Variants in CDH13 observed in about 807,000 individuals in gnomAD.
CDH13 encodes cadherin 13, also known as cadherin-13.
A neutral mutation model predicts 63.8 loss-of-function variants in CDH13; 24 were observed. The ratio of observed to expected loss-of-function variants is 0.38; its 90% CI spans 0.27 to 0.53. The LOEUF (loss-of-function observed/expected upper bound fraction) is 0.53, where lower values mean the gene tolerates loss of function less well. Among genes scored for constraint, CDH13 ranks in the 20% least tolerant of loss-of-function variants. The probability of loss-of-function intolerance (pLI) is 0.85; values close to 1 mark genes in which losing one functional copy is unlikely to be tolerated. For synonymous variants in CDH13, 503 were observed against 355.3 expected, an observed-to-expected ratio of 1.42 and a Z score of -4.67; for missense variants, 1,049 against 903.1, an observed-to-expected ratio of 1.16 and a Z score of -2.07.
intron 8 of CDH13, among the ~76,000 whole-genome samples, chr16:83,632,238 C>T (rs868040041): frequency 1.1e-4 from 16 of 146,886 alleles, no homozygotes; most frequent in South Asian, 2.3e-4. Flanking sequence ...AGTTCTTATT[C>T]ACAGGGCAGG....
intron 4 of CDH13, among the ~76,000 whole-genome samples, chr16:83,213,504 C>T (rs1369845275): frequency 2.0e-5 from 3 of 152,090 alleles, no homozygotes; most frequent in Non-Finnish European, 2.9e-5. Context: ...ACTAACAGCC[C>T]GGAAGGCTTT....
At chr16:83,662,866 A>G (rs1386215229) in intron 8 of CDH13, among the ~76,000 whole-genome samples, 2 of 152,202 alleles carry the variant, frequency 1.3e-5, no homozygotes, top group African/African-American at 2.4e-5. Flanking sequence ...TCCAACAGAC[A>G]AGAACACAGG....
intron 8 of CDH13, among the ~76,000 whole-genome samples, chr16:83,630,603 T>C (rs1441731760): frequency 4.6e-5 from 7 of 152,226 alleles, no homozygotes; most frequent in African/African-American, 1.7e-4. Context: ...TCAGTGAATC[T>C]GCATTTTTAC....
chr16:83,525,570 C>A (rs981535653), intron 7 of CDH13, among the ~76,000 whole-genome samples: 3 of 152,230 alleles, frequency 2.0e-5, no homozygotes, highest in African/African-American at 7.2e-5. Context: ...TTCCCCAGAC[C>A]TTGTCGTGTG....
At chr16:82,893,677 C>G (rs1238053896) in intron 2 of CDH13, among the ~76,000 whole-genome samples, 1 of 152,292 alleles carries the variant, frequency 6.6e-6, no homozygotes, top group Non-Finnish European at 1.5e-5. Flanking sequence ...AAGCCAGAAC[C>G]TGAATCTCTT....
intron 6 of CDH13, among the ~76,000 whole-genome samples, chr16:83,414,040 C>T (rs2092165450): frequency 1.3e-5 from 2 of 152,138 alleles, no homozygotes; most frequent in Admixed American, 1.3e-4. Context: ...TTGTAAACTT[C>T]TGAAAATTAG....
At chr16:83,585,689 A>G (rs1906085593) in intron 7 of CDH13, among the ~76,000 whole-genome samples, 1 of 151,764 alleles carries the variant, frequency 6.6e-6, no homozygotes, top group Non-Finnish European at 1.5e-5. Context: ...ACCATTAGAG[A>G]CTCGGTGGAG....
chr16:83,260,120 A>ACT (rs1906796031), intron 5 of CDH13, among the ~76,000 whole-genome samples: 1 of 150,098 alleles, frequency 6.7e-6, no homozygotes, highest in African/African-American at 2.5e-5. Flanking sequence ...ACACACACAC[A>ACT]CACACACACA....
intron 2 of CDH13, among the ~76,000 whole-genome samples, chr16:82,970,846 G>A (rs1033019329): frequency 6.6e-6 from 1 of 152,030 alleles, no homozygotes; most frequent in African/African-American, 2.4e-5. Context: ...TTTTACCTTT[G>A]AAATTTTATT....
chr16:82,631,917 C>G (rs951634925), intron 1 of CDH13, among the ~76,000 whole-genome samples: 1 of 152,134 alleles, frequency 6.6e-6, no homozygotes, highest in African/African-American at 2.4e-5. Flanking sequence ...ACTCATCTAT[C>G]CCAAACCTGC....
chr16:83,796,117 G>A lies in CDH13; in HGVS notation c.*1087G>A, dbSNP rs1957760542. The A allele has an allele frequency of 2.0e-5, 3 of 152,584 alleles. No homozygotes were observed. Among genetic ancestry groups the A allele is most frequent in the Admixed American group, 1.3e-4 (2 of 15,264 alleles). 9.5% of individuals were successfully genotyped at this position (152,584 alleles called of 1,614,324 possible). On this transcript the variant is annotated 3_prime_UTR_variant, in exon 14 of 14. Transcript: ENST00000567109. ...ATTGACTACCGTTGTTTGCAAACCC[G>A]AAAATAAAAGACGTTCATTATGTAT...
At chr16:82,664,200 A>T (rs1912316958) in intron 1 of CDH13, among the ~76,000 whole-genome samples, 2 of 152,236 alleles carry the variant, frequency 1.3e-5, no homozygotes, top group Admixed American at 1.3e-4. Context: ...CTTACTTTTC[A>T]CTAAATTGTG....
At chr16:82,888,622 C>T (rs543310072) in intron 2 of CDH13, among the ~76,000 whole-genome samples, 3 of 152,250 alleles carry the variant, frequency 2.0e-5, no homozygotes, top group African/African-American at 7.2e-5. Context: ...GGAAGATGGC[C>T]TTGTAGACCT....
At chr16:83,725,288 G>A (rs1910250183) in intron 10 of CDH13, among the ~76,000 whole-genome samples, 1 of 152,194 alleles carries the variant, frequency 6.6e-6, no homozygotes, top group South Asian at 2.1e-4. Context: ...CAACACACAG[G>A]CAGGACTGCA....
intron 7 of CDH13, among the ~76,000 whole-genome samples, chr16:83,558,714 C>A (rs966595076): frequency 1.3e-5 from 2 of 152,148 alleles, no homozygotes; most frequent in East Asian, 3.9e-4. Flanking sequence ...ATCATTTCAA[C>A]TTTGTTGGAA....
chr16:83,247,198 GT>G (rs1905068981), intron 5 of CDH13, among the ~76,000 whole-genome samples: 1 of 152,170 alleles, frequency 6.6e-6, no homozygotes, highest in South Asian at 2.1e-4. Flanking sequence ...GGAACATGGG[GT>G]TTTAGCAGGT....
intron 2 of CDH13, among the ~76,000 whole-genome samples, chr16:82,904,937 C>T (rs9929962): frequency 2.6e-5 from 4 of 152,178 alleles, no homozygotes; most frequent in African/African-American, 4.8e-5. Context: ...CAGTTTCTCC[C>T]TAAATGAACC....
chr16:83,021,834 C>G (rs1915376687), intron 2 of CDH13, among the ~76,000 whole-genome samples: 1 of 152,176 alleles, frequency 6.6e-6, no homozygotes, highest in African/African-American at 2.4e-5. Context: ...CTAGGCCAAA[C>G]ATGGAACACG....
At chr16:82,761,591 A>C (rs1857780989) in intron 1 of CDH13, among the ~76,000 whole-genome samples, 1 of 152,228 alleles carries the variant, frequency 6.6e-6, no homozygotes, top group South Asian at 2.1e-4. Context: ...GGCCAAGGGA[A>C]GGCAACAATT....
Sources: allele counts gnomAD v4.1 joint callset (sites outside exome capture counted in the v4.1 genomes callset), GRCh38; gene constraint gnomAD v4.1.1; transcripts MANE v1.5; gene names NCBI Gene and HGNC (gene_info 2026-07-23, HGNC 2026-07-21).